VSX2: variants seen among roughly 807,000 people sequenced by gnomAD.
VSX2 encodes visual system homeobox 2, also known as ceh-10 homeo domain containing homolog.
A neutral mutation model predicts 32.1 loss-of-function variants in VSX2; 28 were observed. That is an observed-to-expected ratio of 0.87 (90% CI 0.65 to 1.20). The LOEUF (loss-of-function observed/expected upper bound fraction) is 1.20. VSX2 is among the 50% of genes most tolerant of loss of function. The probability of loss-of-function intolerance (pLI) is 0.00; values close to 1 mark genes in which losing one functional copy is unlikely to be tolerated. For synonymous variants in VSX2, 243 were observed against 214.1 expected (o/e 1.14, Z -1.18); for missense variants, 506 against 488.7 (o/e 1.04, Z -0.33).
At chr14:74,248,645 C>G (rs191061113) in intron 3 of VSX2, among the ~76,000 whole-genome samples, 2 of 151,582 alleles carry the variant, frequency 1.3e-5, no homozygotes, top group African/African-American at 2.4e-5. Context: ...GAGCTGTAAT[C>G]GCACCACTGC....
intron 3 of VSX2, among the ~76,000 whole-genome samples, chr14:74,254,622 G>C (rs2079250690): frequency 6.6e-6 from 1 of 151,988 alleles, no homozygotes; most frequent in Non-Finnish European, 1.5e-5. Context: ...GAGGCCAGAG[G>C]GCCAGGCAAT....
rs548361723 is a variant in VSX2, at chr14:74,241,134, C to G, written c.371-48C>G. The G allele has an allele frequency of 3.1e-6, 5 of 1,591,336 alleles. No individual in the cohort carries two copies. In the Admixed American group the frequency reaches 5.0e-5, roughly 16 times the overall value. ...GGGCCCTCGCGGGTTTCGGGCACAG[C>G]GGAGCGCGTCCCCCACTCTGCCGCA... On this transcript the variant is annotated intron_variant, in intron 1 of 4. Coordinates refer to ENST00000261980, the MANE Select transcript of VSX2 (RefSeq NM_182894.3).
chr14:74,256,299 C>T (rs1411212503), intron 3 of VSX2, among the ~76,000 whole-genome samples: 1 of 152,032 alleles, frequency 6.6e-6, no homozygotes, highest in African/African-American at 2.4e-5. Flanking sequence ...GGTGTGGTGG[C>T]GGGCACCTGT....
chr14:74,239,938 G>A lies in VSX2; in HGVS notation c.370+7G>A. ...AGCCAGACGGCCAGCTCGGGTAGGT[G>A]AGGAGAGGTTGCGCTGCTGCCTGAC... On this transcript the variant is annotated splice_region_variant and intron_variant, in intron 1 of 4. Coordinates refer to ENST00000261980, the MANE Select transcript of VSX2 (RefSeq NM_182894.3). The A allele has an allele frequency of 6.4e-7, 1 of 1,559,120 alleles. No homozygotes were observed. Among genetic ancestry groups the A allele is most frequent in the Non-Finnish European group, 8.7e-7 (1 of 1,152,620 alleles).
intron 3 of VSX2, among the ~76,000 whole-genome samples, chr14:74,257,855 A>G (rs2139644640): frequency 6.6e-6 from 1 of 152,320 alleles, no homozygotes; most frequent in East Asian, 1.9e-4. Flanking sequence ...TTCGCCGTAT[A>G]AAAAGATAAA....
rs908720999 is a variant in VSX2, at chr14:74,261,150, G to A, written c.*231G>A. The stretch of plus-strand genomic sequence containing the variant: ...CCTCTCCAGCATCCCAGCCTCAGAA[G>A]CCTTCTTGCTGCCCACAACGTCCCC... On this transcript the variant is annotated 3_prime_UTR_variant, in exon 5 of 5. Transcript: ENST00000261980. The A allele has an allele frequency of 1.0e-5, 6 of 576,636 alleles. No individual in the cohort carries two copies. The highest frequency in any genetic ancestry group is 6.9e-5 in the South Asian group (3 of 43,542). The allele number at this position is 576,636 out of a possible 1,614,324, so 35.7% of individuals were successfully genotyped here. A position where few individuals can be genotyped will look rare whatever the true frequency, so the allele number is the denominator to read the frequency against.
chr14:74,242,094 C>T (rs2079154119), intron 2 of VSX2, among the ~76,000 whole-genome samples: 1 of 149,086 alleles, frequency 6.7e-6, no homozygotes, highest in Non-Finnish European at 1.5e-5. Flanking sequence ...AGCCGCACTG[C>T]TACCAGTTCC....
At position 74,246,898 on chromosome 14, in the gene VSX2, T is replaced by C. The variant is rs2079195534; in HGVS notation, c.579+1610T>C. Among the ~76,000 whole-genome samples, 5 of 152,092 alleles carry C rather than the reference T, an allele frequency of 3.3e-5. No individual in the cohort carries two copies. The South Asian group carries it at 1.0e-3, about 32-fold the overall frequency. On this transcript the variant is annotated intron_variant, in intron 3 of 4. Coordinates refer to ENST00000261980, the MANE Select transcript of VSX2 (RefSeq NM_182894.3). ...ATTTGGGGGCAGGCTCTCCCTCAGCTGTAACTGCATTGCTACGAATGCCCC... is the reference window on the plus strand; with the variant it reads ...ATTTGGGGGCAGGCTCTCCCTCAGCCGTAACTGCATTGCTACGAATGCCCC...
At chr14:74,244,917 T>TGAGAGAGAAAGAGAGAGAGAAA (rs1157174143) in intron 2 of VSX2, among the ~76,000 whole-genome samples, 32 of 52,044 alleles carry the variant, frequency 6.1e-4, no homozygotes, top group African/African-American at 1.2e-3. Context: ...TGTGTGTGTG[T>TGAGAGAGAAAGAGAGAGAGAAA]GTGTGTGTGT....
Position 74,239,714 on chromosome 14 carries a change from A to T in VSX2, c.153A>T (p.Ala51=). The change falls in exon 1 of 5, where the codon GCA becomes GCT. Residue 51 remains alanine (A), a synonymous_variant. Transcript: ENST00000261980. ...AGCCCCCGAGCTCCCACCCGCGGGCAGCGCTCGACGGCCTGGCCCCCGGGC... is the reference window on the plus strand; with the variant it reads ...AGCCCCCGAGCTCCCACCCGCGGGCTGCGCTCGACGGCCTGGCCCCCGGGC... ...NKEPPSSHPR[A]ALDGLAPGHL... is the part of the protein sequence containing the mutation. 1.3e-6 allele frequency: 2 copies of T among 1,549,402 alleles called. No individual in the cohort carries two copies. The highest frequency in any genetic ancestry group is 1.7e-6 in the Non-Finnish European group (2 of 1,146,694).
At chr14:74,244,677 G>C (rs906526644) in intron 2 of VSX2, among the ~76,000 whole-genome samples, 7 of 151,980 alleles carry the variant, frequency 4.6e-5, no homozygotes, top group Admixed American at 4.6e-4. Flanking sequence ...TGCTTGGGAG[G>C]AAGAGGGGCT....
At chr14:74,246,733 C>T (rs2079194354) in intron 3 of VSX2, among the ~76,000 whole-genome samples, 1 of 152,122 alleles carries the variant, frequency 6.6e-6, no homozygotes, top group South Asian at 2.1e-4. Flanking sequence ...GACAAATCCC[C>T]GCTGTTGGCA....
At chr14:74,250,583 C>A (rs966715156) in intron 3 of VSX2, among the ~76,000 whole-genome samples, 2 of 152,002 alleles carry the variant, frequency 1.3e-5, no homozygotes, top group Admixed American at 1.3e-4. Flanking sequence ...GTGGCCCCTG[C>A]CTAAGGGTAG....
chr14:74,262,084 T>C lies in VSX2; in HGVS notation c.*1165T>C, dbSNP rs1455516078. ...CTGAGCACCTCTCAGAGCAAGCCTTTGACCTGTTCAGAAGGATGGGAAAAA... is the reference window on the plus strand; with the variant it reads ...CTGAGCACCTCTCAGAGCAAGCCTTCGACCTGTTCAGAAGGATGGGAAAAA... On this transcript the variant is annotated 3_prime_UTR_variant, in exon 5 of 5. Coordinates refer to ENST00000261980, the MANE Select transcript of VSX2 (RefSeq NM_182894.3). 1.3e-5 allele frequency: 2 copies of C among 152,546 alleles called. No individual in the cohort carries two copies. The highest frequency in any genetic ancestry group is 4.8e-5 in the African/African-American group (2 of 41,474). The allele number at this position is 152,546 out of a possible 1,614,324, so 9.4% of individuals were successfully genotyped here.
At chr14:74,248,155 C>A (rs958226858) in intron 3 of VSX2, among the ~76,000 whole-genome samples, 25 of 152,122 alleles carry the variant, frequency 1.6e-4, no homozygotes, top group African/African-American at 5.8e-4. Context: ...AGCCCCCTCC[C>A]AGCCTAGCTT....
At chr14:74,242,956 G>A (rs969778559) in intron 2 of VSX2, among the ~76,000 whole-genome samples, 7 of 152,092 alleles carry the variant, frequency 4.6e-5, no homozygotes, top group Non-Finnish European at 8.8e-5. Context: ...CACCTTTGGG[G>A]GTTTTGGTGG....
At chr14:74,243,452 G>GT (rs2079164247) in intron 2 of VSX2, among the ~76,000 whole-genome samples, 1 of 152,104 alleles carries the variant, frequency 6.6e-6, no homozygotes, top group Non-Finnish European at 1.5e-5. Context: ...TTTTTGTTTT[G>GT]TTTTTTGAAG....
chr14:74,240,345 T>A (rs1234429101), intron 1 of VSX2, among the ~76,000 whole-genome samples: 3 of 152,176 alleles, frequency 2.0e-5, no homozygotes, highest in Non-Finnish European at 4.4e-5. Context: ...CTGTTCCGGC[T>A]CCGGCCCCAT....
chr14:74,252,549 C>G (rs2079236779), intron 3 of VSX2, among the ~76,000 whole-genome samples: 1 of 151,874 alleles, frequency 6.6e-6, no homozygotes, highest in Admixed American at 6.6e-5. Flanking sequence ...CACCACGACG[C>G]TCACCTAATT....
Sources: allele counts gnomAD v4.1 joint callset (sites outside exome capture counted in the v4.1 genomes callset), GRCh38; gene constraint gnomAD v4.1.1; transcripts MANE v1.5; gene names NCBI Gene and HGNC (gene_info 2026-07-23, HGNC 2026-07-21).